The following NTRK3 variants were observed in gnomAD, a reference collection of about 807,000 sequenced individuals.
The protein encoded by NTRK3 is NT-3 growth factor receptor.
Under a neutral mutation model 91.7 loss-of-function variants are expected in NTRK3, and 24 were observed. The ratio of observed to expected loss-of-function variants is 0.26; its 90% CI spans 0.19 to 0.37. The LOEUF is 0.37. Among genes scored for constraint, NTRK3 ranks in the 10% least tolerant of loss-of-function variants. NTRK3 has a pLI of 1.00. For missense variants in NTRK3, 880 were observed against 1,068.9 expected (o/e 0.82, Z 2.46); for synonymous variants, 483 against 404.0 (o/e 1.20, Z -2.34).
rs144789017 is a variant in NTRK3, at chr15:87,910,074, C to A, written c.2133+19117G>T. 7.6e-4 allele frequency among the ~76,000 whole-genome samples: 115 copies of A among 152,218 alleles called. 3 individuals are homozygous for A. In the South Asian group the frequency reaches 0.011, roughly 14 times the overall value. The stretch of plus-strand genomic sequence containing the variant: ...CGGGGACAGACTGGCTGGGATGGAG[C>A]CAAGGGGGCTTCTTGTGGAAGGTCA... On this transcript the variant is annotated intron_variant, in intron 17 of 18. Transcript: ENST00000394480.
At chr15:87,863,708 G>A in exon 19 of NTRK3, 1 of 227,406 alleles carries the variant, frequency 4.4e-6, no homozygotes, top group Non-Finnish European at 8.7e-6. Context: ...CACCATTGGG[G>A]TCTACAGTCC....
chr15:87,883,667 A>C (rs1399769287), intron 17 of NTRK3, among the ~76,000 whole-genome samples: 1 of 151,194 alleles, frequency 6.6e-6, no homozygotes, highest in African/African-American at 2.4e-5. Context: ...CACATATTAA[A>C]TCTCAAAGGA....
At chr15:87,880,730 G>GA (rs1254981268) in intron 17 of NTRK3, among the ~76,000 whole-genome samples, 1 of 152,166 alleles carries the variant, frequency 6.6e-6, no homozygotes, top group Non-Finnish European at 1.5e-5. Flanking sequence ...TAGCACTACA[G>GA]AAAAATCTAA....
intron 16 of NTRK3, 81 bp downstream of exon 16, chr15:87,932,931 G>A (rs2141951718): frequency 2.9e-6 from 4 of 1,399,968 alleles, no homozygotes; most frequent in Non-Finnish European, 4.0e-6. Context: ...AGAGGGGGTA[G>A]TATAATTTCT....
In NTRK3 at chr15:88,240,387, G is replaced by A. The variant is rs751750526; in HGVS notation, c.248+15519C>T. ...AGCCCCATCCTGCCCTGACGCAGGG[G>A]ACATTCTGTGAGGATGTGGCCAAAA... On this transcript the variant is annotated intron_variant, in intron 3 of 18. Coordinates refer to ENST00000394480, the Ensembl canonical transcript of NTRK3. This position sits in a 1 kb window ranked among gnomAD's most constrained non-coding sequence, Gnocchi z 4.9. Among the ~76,000 whole-genome samples the A allele has an allele frequency of 6.6e-6, 1 of 152,156 alleles. No homozygotes were observed. The highest frequency in any genetic ancestry group is 1.5e-5 in the Non-Finnish European group (1 of 68,038).
rs989422293 is a variant in NTRK3 at position 88,233,472 on chromosome 15, A to G, written c.248+22434T>C. ...AGTGGCACCCCACGAAAGTTAGCAC[A>G]CTGAAACCACAGTTAGCATCCTCGA... is the stretch of plus-strand genomic sequence containing the variant. On this transcript the variant is annotated intron_variant, in intron 3 of 18. Coordinates refer to ENST00000394480, the Ensembl canonical transcript of NTRK3. This position sits in a 1 kb window ranked among gnomAD's most constrained non-coding sequence, Gnocchi z 4.2. Among the ~76,000 whole-genome samples the G allele has an allele frequency of 1.3e-4, 20 of 152,184 alleles. No individual in the cohort carries two copies. The highest frequency in any genetic ancestry group is 4.6e-4 in the African/African-American group (19 of 41,502).
At chr15:87,959,264 T>G (rs909732267) in intron 14 of NTRK3, among the ~76,000 whole-genome samples, 3 of 152,204 alleles carry the variant, frequency 2.0e-5, no homozygotes, top group African/African-American at 7.2e-5. Flanking sequence ...CTCTGGCTCC[T>G]TGCGTCTCCA....
intron 13 of NTRK3, among the ~76,000 whole-genome samples, chr15:88,066,128 A>C (rs1286817875): frequency 6.6e-6 from 1 of 152,212 alleles, no homozygotes; most frequent in Non-Finnish European, 1.5e-5. Flanking sequence ...TTTTTAGCAT[A>C]AACTATTTTA....
At chr15:88,125,399 T>C (rs1313689865) in intron 13 of NTRK3, among the ~76,000 whole-genome samples, 1 of 152,098 alleles carries the variant, frequency 6.6e-6, no homozygotes, top group Non-Finnish European at 1.5e-5. Flanking sequence ...ACACATCCCA[T>C]AGTCTCACCA....
At chr15:88,141,948 G>A (rs1011283043) in intron 6 of NTRK3, among the ~76,000 whole-genome samples, 1 of 152,234 alleles carries the variant, frequency 6.6e-6, no homozygotes, top group Non-Finnish European at 1.5e-5. Context: ...GAGTTTATGG[G>A]AAACTGCAAA....
At chr15:87,979,983 G>A (rs896728759) in intron 14 of NTRK3, among the ~76,000 whole-genome samples, 1 of 152,168 alleles carries the variant, frequency 6.6e-6, no homozygotes, top group African/African-American at 2.4e-5. Context: ...CCAGGAGGTG[G>A]GGGTGCTATA....
intron 14 of NTRK3, among the ~76,000 whole-genome samples, chr15:87,949,040 C>T (rs1405261366): frequency 6.6e-6 from 1 of 152,102 alleles, no homozygotes; most frequent in Non-Finnish European, 1.5e-5. Flanking sequence ...TAGCACAGGG[C>T]CTGAGACCAA....
At chr15:88,071,066 G>T (rs1445025030) in intron 13 of NTRK3, among the ~76,000 whole-genome samples, 1 of 152,198 alleles carries the variant, frequency 6.6e-6, no homozygotes, top group Non-Finnish European at 1.5e-5. Context: ...CAATCCTACT[G>T]CATTCTTCAT....
intron 6 of NTRK3, among the ~76,000 whole-genome samples, chr15:88,139,333 C>T (rs549468236): frequency 6.6e-6 from 1 of 152,216 alleles, no homozygotes; most frequent in African/African-American, 2.4e-5. Context: ...ACATGATTCT[C>T]TTTCTGGACC....
At chr15:88,165,622 C>T (rs891199713) in intron 5 of NTRK3, among the ~76,000 whole-genome samples, 4 of 152,160 alleles carry the variant, frequency 2.6e-5, no homozygotes, top group Non-Finnish European at 5.9e-5. Context: ...AGGAGCTAAT[C>T]ACTATACGCT....
intron 14 of NTRK3, among the ~76,000 whole-genome samples, chr15:88,007,547 A>G (rs2076583279): frequency 6.6e-6 from 1 of 152,034 alleles, no homozygotes; most frequent in African/African-American, 2.4e-5. Flanking sequence ...TGGACAGGAG[A>G]CTCACACCCA....
intron 14 of NTRK3, among the ~76,000 whole-genome samples, chr15:87,953,307 C>T (rs549072625): frequency 9.2e-5 from 14 of 152,198 alleles, no homozygotes; most frequent in Non-Finnish European, 2.1e-4. Flanking sequence ...CACCAAGCTC[C>T]GAGTTTGCTG....
chr15:88,010,748 CCA>C (rs10623073), intron 14 of NTRK3, among the ~76,000 whole-genome samples: 33 of 148,964 alleles, frequency 2.2e-4, no homozygotes, highest in South Asian at 4.3e-4. Context: ...ACACACACAC[CCA>C]CACACACACA....
intron 5 of NTRK3, among the ~76,000 whole-genome samples, chr15:88,156,827 T>C (rs144124359): frequency 2.5e-4 from 38 of 152,314 alleles, no homozygotes; most frequent in African/African-American, 8.9e-4. Context: ...TTATTTTCTT[T>C]ATAGCACCTG....
Sources: gnomAD v4.1 joint callset for allele counts (sites outside exome capture counted in the v4.1 genomes callset) on GRCh38, gnomAD v4.1.1 for gene constraint, Gnocchi (gnomAD v3.1) non-coding constraint, MANE v1.5 for transcripts, NCBI Gene and HGNC (gene_info 2026-07-23, HGNC 2026-07-21) for gene names.